SMARCA5: variants seen among roughly 807,000 people sequenced by gnomAD.
SMARCA5 encodes the protein SNF2 related chromatin remodeling ATPase 5, also known as SWI/SNF-related matrix-associated actin-dependent regulator of chromatin subfamily A member 5.
Under a neutral mutation model 140.4 loss-of-function variants are expected in SMARCA5, and 18 were observed. The observed-to-expected ratio is 0.13, with a 90% CI of 0.09 to 0.19. SMARCA5 has a LOEUF of 0.19. Ranked by LOEUF, SMARCA5 falls within the 10% of genes least tolerant of loss-of-function variation. The pLI, the probability that SMARCA5 is intolerant of heterozygous loss-of-function variation, is 1.00. For synonymous variants in SMARCA5, 449 were observed against 419.6 expected, an observed-to-expected ratio of 1.07 and a Z score of -0.86; for missense variants, 606 against 1,276.8, an observed-to-expected ratio of 0.47 and a Z score of 8.01.
intron 21 of SMARCA5, 24 bp downstream of exon 21, chr4:143,547,527 G>A (rs1737550730): frequency 1.6e-6 from 2 of 1,228,566 alleles, no homozygotes; most frequent in East Asian, 2.3e-5. Flanking sequence ...TAATAAGTTA[G>A]GTAGTTAATA....
chr4:143,549,953 C>A, intron 22 of SMARCA5, 44 bp from the exon 23 acceptor site: 2 of 1,080,046 alleles, frequency 1.9e-6, no homozygotes, highest in Non-Finnish European at 2.8e-6. Context: ...AATCATGAAA[C>A]TTGTGGATGG....
rs528522238 is a variant in SMARCA5 at position 143,556,885 on chromosome 4, C to T, written c.*3701C>T. 1.8e-4 allele frequency: 27 copies of T among 151,936 alleles called. No individual in the cohort carries two copies. The highest frequency in any genetic ancestry group is 5.9e-4 in the Admixed American group (9 of 15,260). The allele number at this position is 151,936 out of a possible 1,614,324, so 9.4% of individuals were successfully genotyped here. A position where few individuals can be genotyped will look rare whatever the true frequency, so the allele number is the denominator to read the frequency against. On this transcript the variant is annotated 3_prime_UTR_variant, in exon 24 of 24. Transcript: ENST00000283131. ...ACCAGAAAAGACTATGCTACAAGAA[C>T]CAAAATTGAAGTAAGAAGAAAAAGA...
Position 143,521,563 on chromosome 4 carries a change from A to T in SMARCA5, c.387A>T (p.Lys129Asn). The change falls in exon 3 of 24, where the codon AAA becomes AAT. Residue 129 changes from lysine (K) to asparagine (N), a missense_variant. Coordinates refer to ENST00000283131, the MANE Select transcript of SMARCA5 (RefSeq NM_003601.4). ...KMKPGRPRIK[K>N]DEKQNLLSVG... ...AACCAGGGCGCCCACGAATAAAAAA[A>T]GATGAGAAGCAGAACTTACTATCCG... The T allele has an allele frequency of 6.2e-7, 1 of 1,613,662 alleles. No homozygotes were observed. Among genetic ancestry groups the T allele is most frequent in the East Asian group, 2.2e-5 (1 of 44,878 alleles).
intron 11 of SMARCA5, 41 bp downstream of exon 11, chr4:143,536,719 A>C (rs1737312283): frequency 7.1e-7 from 1 of 1,400,152 alleles, no homozygotes; most frequent in South Asian, 1.2e-5. Context: ...CTGTTTTAAA[A>C]TGCTCATGTT....
chr4:143,547,636 T>C (rs1229918382), intron 21 of SMARCA5, 133 bp downstream of exon 21: 1 of 614,770 alleles, frequency 1.6e-6, no homozygotes, highest in African/African-American at 1.9e-5. Flanking sequence ...CATTCAAACA[T>C]GGTATTGTCA....
At chr4:143,527,523 C>G (rs983429862) in intron 6 of SMARCA5, among the ~76,000 whole-genome samples, 4 of 152,068 alleles carry the variant, frequency 2.6e-5, no homozygotes, top group African/African-American at 9.7e-5. Flanking sequence ...ATCTTTCCAC[C>G]CTCTTCCTTT....
rs1048422543 is a variant in SMARCA5 at position 143,555,133 on chromosome 4, A to G, written c.*1949A>G. ...TACTACTGCTACTGGAACTGCCTTAACCACTACTGCTACTGGAACTGCCTT... is the reference window on the plus strand; with the variant it reads ...TACTACTGCTACTGGAACTGCCTTAGCCACTACTGCTACTGGAACTGCCTT... On this transcript the variant is annotated 3_prime_UTR_variant, in exon 24 of 24. Transcript: ENST00000283131. 2 of 696,830 alleles carry G rather than the reference A, an allele frequency of 2.9e-6. No individual in the cohort carries two copies. Among genetic ancestry groups the G allele is most frequent in the Non-Finnish European group, 5.3e-6 (2 of 375,660 alleles). 43.2% of individuals were successfully genotyped at this position (696,830 alleles called of 1,614,324 possible). A position where few individuals can be genotyped will look rare whatever the true frequency, so the allele number is the denominator to read the frequency against.
At position 143,555,480 on chromosome 4, in the gene SMARCA5, C is replaced by T. The variant is rs1225070946; in HGVS notation, c.*2296C>T. 3.9e-6 allele frequency: 2 copies of T among 506,366 alleles called. No individual in the cohort carries two copies. Among genetic ancestry groups the T allele is most frequent in the African/African-American group, 1.9e-5 (1 of 51,604 alleles). The allele number at this position is 506,366 out of a possible 1,614,324, so 31.4% of individuals were successfully genotyped here. A position where few individuals can be genotyped will look rare whatever the true frequency, so the allele number is the denominator to read the frequency against. On this transcript the variant is annotated 3_prime_UTR_variant, in exon 24 of 24. Coordinates refer to ENST00000283131, the MANE Select transcript of SMARCA5 (RefSeq NM_003601.4). ...CTGTGGAAAGTAAAGCATTCCAACA[C>T]AGGGTTTCAGTGTAGATTGTTTTGT...
chr4:143,517,934 C>G (rs1030541047), intron 2 of SMARCA5, among the ~76,000 whole-genome samples: 1 of 151,994 alleles, frequency 6.6e-6, no homozygotes, highest in Non-Finnish European at 1.5e-5. Flanking sequence ...TCTTATGTGT[C>G]TATGTAAGCC....
rs1737364778 is a variant in SMARCA5 at position 143,538,692 on chromosome 4, C to T, written c.1598C>T (p.Thr533Ile). 1.2e-6 allele frequency: 2 copies of T among 1,613,824 alleles called. No homozygotes were observed. Among genetic ancestry groups the T allele is most frequent in the Admixed American group, 1.7e-5 (1 of 59,982 alleles). Reference sequence around the variant, plus strand: ...GAGTACTGCAGGTTGGATGGTCAGACACCCCATGATGAGAGACAAGTGAGT... The same window carrying T: ...GAGTACTGCAGGTTGGATGGTCAGATACCCCATGATGAGAGACAAGTGAGT... ...NYEYCRLDGQTPHDERQDSIN... is the reference protein window; with the variant it reads ...NYEYCRLDGQIPHDERQDSIN... Residue 533 changes from threonine (T) to isoleucine (I), a missense_variant, in exon 12 of 24, where the codon ACA becomes ATA. Around this residue, in one of 10 missense-constraint regions of SMARCA5, gnomAD observed 68 missense variants for 126.9 expected, o/e 0.54. Coordinates refer to ENST00000283131, the MANE Select transcript of SMARCA5 (RefSeq NM_003601.4).
At chr4:143,547,242 CAT>C (rs1737543428) in intron 20 of SMARCA5, 141 bp from the exon 21 acceptor site, 2 of 574,672 alleles carry the variant, frequency 3.5e-6, no homozygotes, top group Non-Finnish European at 6.3e-6. Flanking sequence ...ATTAGGTTAA[CAT>C]GTGAGGGTAT....
At chr4:143,527,184 C>T (rs1055622390) in intron 6 of SMARCA5, among the ~76,000 whole-genome samples, 1 of 152,004 alleles carries the variant, frequency 6.6e-6, no homozygotes, top group African/African-American at 2.4e-5. Context: ...TTGACAACAT[C>T]CTTGTGGGAA....
chr4:143,515,075 T>C (rs929871016), intron 1 of SMARCA5, among the ~76,000 whole-genome samples: 1 of 152,194 alleles, frequency 6.6e-6, no homozygotes, highest in African/African-American at 2.4e-5. Context: ...TTGAGATATT[T>C]TGTGAGTCGG....
intron 6 of SMARCA5, 70 bp downstream of exon 6, chr4:143,526,530 A>G (rs1737074224): frequency 2.1e-6 from 2 of 938,644 alleles, no homozygotes; most frequent in Middle Eastern, 2.6e-4. Context: ...GTATGGGTAT[A>G]GCTGGAAGAA....
At position 143,555,118 on chromosome 4, in the gene SMARCA5, A is replaced by G. The variant is rs1737721265; in HGVS notation, c.*1934A>G. On this transcript the variant is annotated 3_prime_UTR_variant, in exon 24 of 24. Transcript: ENST00000283131. ...TGTCAGTGCCACAGCTACTACTGCT[A>G]CTGGAACTGCCTTAACCACTACTGC... 1.5e-5 allele frequency: 10 copies of G among 678,720 alleles called. No homozygotes were observed. Among genetic ancestry groups the G allele is most frequent in the South Asian group, 9.8e-5 (7 of 71,770 alleles). The allele number at this position is 678,720 out of a possible 1,614,324, so 42.0% of individuals were successfully genotyped here. A position where few individuals can be genotyped will look rare whatever the true frequency, so the allele number is the denominator to read the frequency against.
chr4:143,527,153 A>G (rs1303548937), intron 6 of SMARCA5, among the ~76,000 whole-genome samples: 1 of 152,220 alleles, frequency 6.6e-6, no homozygotes, highest in Admixed American at 6.5e-5. Context: ...ATTTAACAAA[A>G]TAAGTTAAAA....
At chr4:143,532,817 G>T (rs1737219640) in intron 9 of SMARCA5, among the ~76,000 whole-genome samples, 1 of 151,976 alleles carries the variant, frequency 6.6e-6, no homozygotes, top group Admixed American at 6.6e-5. Flanking sequence ...TTTCTTTGTG[G>T]ATTACACTTG....
At position 143,536,348 on chromosome 4, in the gene SMARCA5, C is replaced by G. The variant is rs549411173; in HGVS notation, c.1269-104C>G. 9.5e-6 allele frequency: 7 copies of G among 737,842 alleles called. No homozygotes were observed. The South Asian group carries it at 1.0e-4, about 11-fold the overall frequency. The allele number at this position is 737,842 out of a possible 1,614,324, so 45.7% of individuals were successfully genotyped here. ...CTAGAAGTTGATGAGTAGTTTCTTACAGATATTTGGGGGTTCATGTGGGGA... is the reference window on the plus strand; with the variant it reads ...CTAGAAGTTGATGAGTAGTTTCTTAGAGATATTTGGGGGTTCATGTGGGGA... On this transcript the variant is annotated intron_variant, in intron 10 of 23. Transcript: ENST00000283131.
Position 143,545,701 on chromosome 4 carries a change from T to C in SMARCA5, c.2397+118T>C, listed in dbSNP as rs1172920392. ...AGTGTGAAACAATACTGCTTTAGCC[T>C]AGTCTAGTTGTATGTATGAAATACA... On this transcript the variant is annotated intron_variant, in intron 18 of 23. Coordinates refer to ENST00000283131, the MANE Select transcript of SMARCA5 (RefSeq NM_003601.4). 29 of 787,050 alleles carry C rather than the reference T, an allele frequency of 3.7e-5. No individual in the cohort carries two copies. In the Admixed American group the frequency reaches 6.5e-4, roughly 18 times the overall value. 48.8% of individuals were successfully genotyped at this position (787,050 alleles called of 1,614,324 possible).
Sources: allele counts gnomAD v4.1 joint callset (sites outside exome capture counted in the v4.1 genomes callset), GRCh38; gene constraint gnomAD v4.1.1; regional missense constraint gnomAD v4.1.1; transcripts MANE v1.5; gene names NCBI Gene and HGNC (gene_info 2026-07-23, HGNC 2026-07-21).